The following KLF5 variants were observed in gnomAD, a reference collection of about 807,000 sequenced individuals.
The protein encoded by KLF5 is Krueppel-like factor 5.
In KLF5, 9 loss-of-function variants were observed where a neutral mutation model predicts 36.9. That is an observed-to-expected ratio of 0.24 (90% CI 0.15 to 0.43). The LOEUF (loss-of-function observed/expected upper bound fraction) is 0.43. Among genes scored for constraint, KLF5 ranks in the 20% least tolerant of loss-of-function variants. The pLI, the probability that KLF5 is intolerant of heterozygous loss-of-function variation, is 1.00. For synonymous variants in KLF5, 246 were observed against 241.7 expected, an observed-to-expected ratio of 1.02 and a Z score of -0.17; for missense variants, 524 against 599.5, an observed-to-expected ratio of 0.87 and a Z score of 1.31.
chr13:73,063,940 T>G (rs1354826499), intron 3 of KLF5, 57 bp downstream of exon 3: 3 of 1,099,256 alleles, frequency 2.7e-6, no homozygotes, highest in Non-Finnish European at 4.2e-6. Flanking sequence ...GTGGTATTCA[T>G]CCTTTTAAAA....
At chr13:73,073,767 A>AT (rs1411493227) in intron 3 of KLF5, among the ~76,000 whole-genome samples, 2 of 151,958 alleles carry the variant, frequency 1.3e-5, no homozygotes, top group Non-Finnish European at 2.9e-5. Flanking sequence ...CTGTGCAAAA[A>AT]TTTTTTTTGT....
Position 73,062,080 on chromosome 13 carries a change from A to T in KLF5, c.481A>T (p.Ile161Phe). The change falls in exon 2 of 4, where the codon ATC becomes TTC. Residue 161 changes from isoleucine to phenylalanine, a missense_variant. Around this residue, in one of 4 missense-constraint regions of KLF5, gnomAD observed 454 missense variants for 458.1 expected, o/e 0.99. Coordinates refer to ENST00000377687, the MANE Select transcript of KLF5 (RefSeq NM_001730.5). Reference sequence around the variant, plus strand: ...ATCCCAGAGACCGTGCGTAACACACATCAAGACAGAACCTGTTGCCATTTT... The same window carrying T: ...ATCCCAGAGACCGTGCGTAACACACTTCAAGACAGAACCTGTTGCCATTTT... ...YKSQRPCVTH[I>F]KTEPVAIFSH... The T allele has an allele frequency of 6.2e-7, 1 of 1,614,124 alleles. No homozygotes were observed. Among genetic ancestry groups the T allele is most frequent in the Non-Finnish European group, 8.5e-7 (1 of 1,180,028 alleles).
chr13:73,064,481 C>G (rs1488574692), intron 3 of KLF5, among the ~76,000 whole-genome samples: 1 of 152,118 alleles, frequency 6.6e-6, no homozygotes, highest in East Asian at 1.9e-4. Context: ...AGCTTACATT[C>G]ATTCTTGTTT....
intron 3 of KLF5, among the ~76,000 whole-genome samples, chr13:73,068,940 A>G (rs1417468008): frequency 6.6e-6 from 1 of 152,024 alleles, no homozygotes; most frequent in Non-Finnish European, 1.5e-5. Flanking sequence ...TACTAAAAAT[A>G]CAAAAATTAG....
At chr13:73,061,351 T>C (rs1475098943) in intron 1 of KLF5, among the ~76,000 whole-genome samples, 1 of 152,250 alleles carries the variant, frequency 6.6e-6, no homozygotes, top group Non-Finnish European at 1.5e-5. Context: ...TTTATATTAC[T>C]TTTGAAGTAT....
chr13:73,060,668 G>A (rs1351134318), intron 1 of KLF5: 1 of 152,194 alleles, frequency 6.6e-6, no homozygotes, highest in Non-Finnish European at 1.5e-5. Context: ...ACCAAGGTCC[G>A]AGATGAAACG....
chr13:73,075,616 A>ATTTTTTTTTT, intron 3 of KLF5, 92 bp from the exon 4 acceptor site: 3 of 1,103,558 alleles, frequency 2.7e-6, no homozygotes, highest in South Asian at 1.9e-5. Flanking sequence ...CTTGGCCAAG[A>ATTTTTTTTTT]TTTTTTTTTT....
chr13:73,059,300 G>C lies in KLF5; in HGVS notation c.-28G>C. ...GCGAGGTGGGAAGTGCGCCCGACCC[G>C]CGCCTGGAGCTGCGCCCCCGAGTGC... is the stretch of plus-strand genomic sequence containing the variant. On this transcript the variant is annotated 5_prime_UTR_variant, in exon 1 of 4. Transcript: ENST00000377687. 1 of 1,344,386 alleles carries C rather than the reference G, an allele frequency of 7.4e-7. No homozygotes were observed. Among genetic ancestry groups the C allele is most frequent in the Non-Finnish European group, 9.5e-7 (1 of 1,047,606 alleles). The allele number at this position is 1,344,386 out of a possible 1,614,324, so 83.3% of individuals were successfully genotyped here. A position where few individuals can be genotyped will look rare whatever the true frequency, so the allele number is the denominator to read the frequency against.
intron 1 of KLF5, among the ~76,000 whole-genome samples, chr13:73,061,104 A>C (rs951231830): frequency 2.0e-5 from 3 of 152,194 alleles, no homozygotes; most frequent in African/African-American, 7.2e-5. Flanking sequence ...CACTCTACCA[A>C]GGGAGTGATT....
At chr13:73,060,772 C>T (rs1213188225) in intron 1 of KLF5, 1 of 152,086 alleles carries the variant, frequency 6.6e-6, no homozygotes, top group African/African-American at 2.4e-5. Flanking sequence ...AGTTGGTTTT[C>T]TTATCTTTCG....
rs906162273 is a variant in KLF5 at position 73,076,887 on chromosome 13, G to A, written c.*1001G>A. On this transcript the variant is annotated 3_prime_UTR_variant, in exon 4 of 4. Transcript: ENST00000377687. ...TTCATATATCGAGATGTTCGCTCGT[G>A]CAGTACTGTTGGTTAAATGACAATT... The A allele has an allele frequency of 6.6e-6, 1 of 152,192 alleles. No individual in the cohort carries two copies. The highest frequency in any genetic ancestry group is 2.4e-5 in the African/African-American group (1 of 41,444). The allele number at this position is 152,192 out of a possible 1,614,324, so 9.4% of individuals were successfully genotyped here. A position where few individuals can be genotyped will look rare whatever the true frequency, so the allele number is the denominator to read the frequency against.
rs1477393587 is a variant in KLF5 at position 73,062,827 on chromosome 13, G to A, written c.1135+93G>A. The A allele has an allele frequency of 9.7e-6, 11 of 1,131,554 alleles. No individual in the cohort carries two copies. The Admixed American group carries it at 2.5e-4, about 26-fold the overall frequency. 70.1% of individuals were successfully genotyped at this position (1,131,554 alleles called of 1,614,324 possible). On this transcript the variant is annotated intron_variant, in intron 2 of 3. Coordinates refer to ENST00000377687, the MANE Select transcript of KLF5 (RefSeq NM_001730.5). Reference sequence around the variant, plus strand: ...CGCGTGTGCGTGTGTGCACGCGCGTGCCCTTTTCAACCTCATGGCTTTAAA... The same window carrying A: ...CGCGTGTGCGTGTGTGCACGCGCGTACCCTTTTCAACCTCATGGCTTTAAA...
At chr13:73,069,449 CATTT>C (rs965207045) in intron 3 of KLF5, among the ~76,000 whole-genome samples, 75 of 152,224 alleles carry the variant, frequency 4.9e-4, no homozygotes, top group African/African-American at 1.7e-3. Context: ...GGAAGTATCA[CATTT>C]ATTAGCCTTT....
chr13:73,060,400 G>A (rs2044625724), intron 1 of KLF5, among the ~76,000 whole-genome samples: 2 of 152,272 alleles, frequency 1.3e-5, no homozygotes, highest in African/African-American at 2.4e-5. Context: ...CAAACAGCTG[G>A]AAGAGCTAAA....
chr13:73,055,472 G>A (rs1007715326), upstream of KLF5, among the ~76,000 whole-genome samples: 12 of 152,034 alleles, frequency 7.9e-5, no homozygotes, highest in East Asian at 7.7e-4. Flanking sequence ...CTCTTGTCTC[G>A]TAATCTTTTG....
At chr13:73,074,193 A>C (rs755311919) in intron 3 of KLF5, among the ~76,000 whole-genome samples, 3 of 152,190 alleles carry the variant, frequency 2.0e-5, no homozygotes, top group Non-Finnish European at 2.9e-5. Context: ...TCATGACAAC[A>C]AAAATATATT....
intron 3 of KLF5, among the ~76,000 whole-genome samples, chr13:73,068,866 C>A (rs1271589554): frequency 6.6e-6 from 1 of 151,988 alleles, no homozygotes; most frequent in East Asian, 1.9e-4. Flanking sequence ...GAGGCGGAGG[C>A]AGGTGGATCA....
intron 3 of KLF5, among the ~76,000 whole-genome samples, chr13:73,073,122 TAAAG>T (rs1403683055): frequency 6.6e-6 from 1 of 152,232 alleles, no homozygotes; most frequent in Non-Finnish European, 1.5e-5. Context: ...AAATATAACT[TAAAG>T]GAAGTCAGTT....
chr13:73,063,983 C>CTTTTTT (rs67730943), intron 3 of KLF5, 100 bp downstream of exon 3: 3 of 351,678 alleles, frequency 8.5e-6, no homozygotes, highest in Non-Finnish European at 1.5e-5. Flanking sequence ...CTCCTGTCAA[C>CTTTTTT]TTTGTTTTTT....
Sources: allele counts gnomAD v4.1 joint callset (sites outside exome capture counted in the v4.1 genomes callset), GRCh38; gene constraint gnomAD v4.1.1; regional missense constraint gnomAD v4.1.1; transcripts MANE v1.5; gene names NCBI Gene and HGNC (gene_info 2026-07-23, HGNC 2026-07-21).